Variants in RAB3C observed in about 807,000 individuals in gnomAD.
The protein encoded by RAB3C is ras-related protein Rab-3C.
RAB3C carries 17 observed loss-of-function variants against 26.4 expected under a neutral mutation model. The ratio of observed to expected loss-of-function variants is 0.64; its 90% CI spans 0.44 to 0.97. The LOEUF (loss-of-function observed/expected upper bound fraction) is 0.97. Among genes scored for constraint, RAB3C ranks in the 50% least tolerant of loss-of-function variants. The probability of loss-of-function intolerance (pLI) is 0.00; values close to 1 mark genes in which losing one functional copy is unlikely to be tolerated. For synonymous variants in RAB3C, 91 were observed against 95.9 expected (o/e 0.95, Z 0.30); for missense variants, 242 against 281.9 (o/e 0.86, Z 1.01).
At chr5:58,663,204 A>G (rs1747940990) in intron 2 of RAB3C, among the ~76,000 whole-genome samples, 1 of 150,294 alleles carries the variant, frequency 6.7e-6, no homozygotes. Flanking sequence ...TTCAAATTAA[A>G]AAGAAAGCAT....
chr5:58,823,639 A>G (rs776216072), intron 3 of RAB3C: 13 of 209,356 alleles, frequency 6.2e-5, no homozygotes, highest in South Asian at 9.2e-5. Flanking sequence ...AAAATGTCCC[A>G]TGCCCAGAAG....
At chr5:58,729,826 A>C (rs1401035001) in intron 3 of RAB3C, among the ~76,000 whole-genome samples, 1 of 145,484 alleles carries the variant, frequency 6.9e-6, no homozygotes, top group Non-Finnish European at 1.5e-5. Context: ...CTATATGTAT[A>C]TTTATATTAT....
chr5:58,766,118 T>TC (rs1348022870), intron 3 of RAB3C, among the ~76,000 whole-genome samples: 2 of 141,468 alleles, frequency 1.4e-5, no homozygotes, highest in African/African-American at 5.6e-5. Flanking sequence ...TTCAGGTAAT[T>TC]CTTTTTTTTT....
rs1287506073 is a variant in RAB3C at position 58,858,998 on chromosome 5, G to A, written c.*7647G>A. 6.6e-6 allele frequency: 1 copy of A among 152,154 alleles called. No homozygotes were observed. Among genetic ancestry groups the A allele is most frequent in the East Asian group, 1.9e-4 (1 of 5,196 alleles). 9.4% of individuals were successfully genotyped at this position (152,154 alleles called of 1,614,324 possible). On this transcript the variant is annotated 3_prime_UTR_variant, in exon 5 of 5. Transcript: ENST00000282878. ...CTGTAGCTCCATGTTTCCCATAAAGGGCATTGGAAATGCACAGATGAAGAT... is the reference window on the plus strand; with the variant it reads ...CTGTAGCTCCATGTTTCCCATAAAGAGCATTGGAAATGCACAGATGAAGAT...
chr5:58,786,963 C>T (rs1742403491), intron 3 of RAB3C, among the ~76,000 whole-genome samples: 1 of 151,936 alleles, frequency 6.6e-6, no homozygotes, highest in Admixed American at 6.5e-5. Context: ...GAAAGGAGCA[C>T]AAGAGGCTCC....
intron 2 of RAB3C, among the ~76,000 whole-genome samples, chr5:58,638,518 G>A (rs1747336648): frequency 6.6e-6 from 1 of 151,994 alleles, no homozygotes; most frequent in South Asian, 2.1e-4. Context: ...CCATACTAAT[G>A]TTAAAACCAT....
intron 3 of RAB3C, among the ~76,000 whole-genome samples, chr5:58,740,124 C>T (rs563839698): frequency 1.2e-3 from 178 of 152,318 alleles, no homozygotes; most frequent in African/African-American, 4.2e-3. Flanking sequence ...CATGCCTCCT[C>T]AAGATCAGGA....
rs200928384 is a variant in RAB3C, at chr5:58,612,520, GTATATATATATA to G, written c.25-5107_25-5096del. On this transcript the variant is annotated intron_variant, in intron 1 of 4. Transcript: ENST00000282878. ...TGTGTGTGTGTGTGTGTGTGTGTGT[GTATATATATATA>G]TATATATATATATATGTATATATAT... 9.8e-3 allele frequency among the ~76,000 whole-genome samples: 777 copies of G among 79,118 alleles called. 5 individuals carry two copies. The highest frequency in any genetic ancestry group is 0.038 in the East Asian group (130 of 3,452). The allele number at this position is 79,118 out of a possible 152,430, so 51.9% of individuals were successfully genotyped here.
chr5:58,792,701 T>C (rs1415098093), intron 3 of RAB3C, among the ~76,000 whole-genome samples: 1 of 152,090 alleles, frequency 6.6e-6, no homozygotes, highest in Non-Finnish European at 1.5e-5. Flanking sequence ...TTTTCGTTAA[T>C]AATTGTGATG....
chr5:58,583,838 C>T (rs990266278), intron 1 of RAB3C, among the ~76,000 whole-genome samples: 3 of 152,132 alleles, frequency 2.0e-5, no homozygotes, highest in Non-Finnish European at 4.4e-5. Flanking sequence ...TGGAGACAGC[C>T]CCCTCTGAGC....
At position 58,671,909 on chromosome 5, in the gene RAB3C, C is replaced by G. The variant is rs145045410; in HGVS notation, c.252+54039C>G. On this transcript the variant is annotated intron_variant, in intron 2 of 4. Transcript: ENST00000282878. The stretch of plus-strand genomic sequence containing the variant: ...AGATACTAAACTGAATTAAAATACA[C>G]GTAAACAATGACATGATACATAAGA... Among the ~76,000 whole-genome samples, 422 of 151,960 alleles carry G rather than the reference C, an allele frequency of 2.8e-3. 1 individual carries two copies. The highest frequency in any genetic ancestry group is 9.6e-3 in the African/African-American group (399 of 41,460).
At chr5:58,600,785 C>A (rs1340393960) in intron 1 of RAB3C, among the ~76,000 whole-genome samples, 2 of 152,064 alleles carry the variant, frequency 1.3e-5, no homozygotes, top group Non-Finnish European at 2.9e-5. Context: ...ATCTTATCAT[C>A]AGCAAACAGT....
intron 3 of RAB3C, among the ~76,000 whole-genome samples, chr5:58,774,247 C>T (rs1282103241): frequency 6.6e-6 from 1 of 152,200 alleles, no homozygotes; most frequent in African/African-American, 2.4e-5. Flanking sequence ...TCTATCCTTG[C>T]TTCCTGTACA....
chr5:58,755,207 G>T (rs1741629665), intron 3 of RAB3C, among the ~76,000 whole-genome samples: 3 of 152,200 alleles, frequency 2.0e-5, no homozygotes, highest in African/African-American at 4.8e-5. Flanking sequence ...GAGAGACAGT[G>T]CTGGTTTCTG....
At chr5:58,751,058 T>C (rs558427930) in intron 3 of RAB3C, among the ~76,000 whole-genome samples, 1 of 152,266 alleles carries the variant, frequency 6.6e-6, no homozygotes, top group East Asian at 1.9e-4. Context: ...TTCACCACGT[T>C]GGCCAGGCTG....
At chr5:58,654,304 G>T (rs1347901046) in intron 2 of RAB3C, among the ~76,000 whole-genome samples, 1 of 152,112 alleles carries the variant, frequency 6.6e-6, no homozygotes, top group African/African-American at 2.4e-5. Flanking sequence ...CTTGGTAGAG[G>T]ATTTATGGAT....
At chr5:58,819,607 G>A (rs916884738) in intron 3 of RAB3C, among the ~76,000 whole-genome samples, 2 of 152,216 alleles carry the variant, frequency 1.3e-5, no homozygotes, top group South Asian at 2.1e-4. Flanking sequence ...GGGCACGGTG[G>A]CTTGCGCCTG....
chr5:58,616,933 G>A (rs1254447642), intron 1 of RAB3C, among the ~76,000 whole-genome samples: 1 of 152,102 alleles, frequency 6.6e-6, no homozygotes, highest in Non-Finnish European at 1.5e-5. Flanking sequence ...TTTGAATCCT[G>A]CCTCTACTAT....
intron 2 of RAB3C, among the ~76,000 whole-genome samples, chr5:58,717,444 A>C (rs924165247): frequency 6.6e-6 from 1 of 152,106 alleles, no homozygotes; most frequent in Non-Finnish European, 1.5e-5. Context: ...TGCCACCCAC[A>C]GGACAAGCTT....
Sources: gnomAD v4.1 joint callset for allele counts (sites outside exome capture counted in the v4.1 genomes callset) on GRCh38, gnomAD v4.1.1 for gene constraint, MANE v1.5 for transcripts, NCBI Gene and HGNC (gene_info 2026-07-23, HGNC 2026-07-21) for gene names.